The following CPT2 variants were observed in gnomAD, a reference collection of about 807,000 sequenced individuals.
The protein encoded by CPT2 is carnitine O-palmitoyltransferase 2, mitochondrial.
Under a neutral mutation model 48.6 loss-of-function variants are expected in CPT2, and 37 were observed. The observed-to-expected ratio is 0.76, with a 90% CI of 0.59 to 1.00. The LOEUF (loss-of-function observed/expected upper bound fraction) is 1.00, where lower values mean the gene tolerates loss of function less well. CPT2 is among the 50% of genes least tolerant of loss of function. The pLI is 0.00. For synonymous variants in CPT2, 319 were observed against 326.9 expected, an observed-to-expected ratio of 0.98 and a Z score of 0.26; for missense variants, 772 against 825.6, an observed-to-expected ratio of 0.94 and a Z score of 0.80.
In CPT2 at chr1:53,196,856, C is replaced by T; in HGVS notation, c.-88C>T. The T allele has an allele frequency of 1.3e-6, 2 of 1,493,770 alleles. No homozygotes were observed. The highest frequency in any genetic ancestry group is 2.5e-5 in the East Asian group (1 of 39,482). The allele number at this position is 1,493,770 out of a possible 1,614,324, so 92.5% of individuals were successfully genotyped here. A position where few individuals can be genotyped will look rare whatever the true frequency, so the allele number is the denominator to read the frequency against. ...TGCCTCAGGAGTCCTGACGCAGTGT[C>T]TTGGGCGCTAACGGCGGCGGCGGCC... is the stretch of plus-strand genomic sequence containing the variant. On this transcript the variant is annotated 5_prime_UTR_variant, in exon 1 of 5. Transcript: ENST00000371486.
chr1:53,209,903 TG>T, intron 3 of CPT2, 111 bp from the exon 4 acceptor site: 1 of 853,752 alleles, frequency 1.2e-6, no homozygotes, highest in Non-Finnish European at 1.9e-6. Context: ...TTCTTCTCTC[TG>T]GAGGTTGATG....
At chr1:53,207,105 T>C (rs187187529) in intron 3 of CPT2, among the ~76,000 whole-genome samples, 34 of 152,358 alleles carry the variant, frequency 2.2e-4, no homozygotes, top group African/African-American at 7.2e-4. Context: ...TCCTACTCCT[T>C]GCTTGTTCTC....
chr1:53,199,087 G>GAA (rs397767205), intron 1 of CPT2, among the ~76,000 whole-genome samples: 2 of 151,148 alleles, frequency 1.3e-5, no homozygotes, highest in African/African-American at 4.9e-5. Context: ...TTTTGAGACA[G>GAA]TCTCGCTCTG....
At position 53,210,778 on chromosome 1, in the gene CPT2, C is replaced by G. The variant is rs1645420237; in HGVS notation, c.1104C>G (p.Val368=). The change falls in exon 4 of 5, where the codon GTC becomes GTG. Residue 368 remains valine, a synonymous_variant. Transcript: ENST00000371486. The part of the protein sequence containing the change: ...LIIAKDGSTA[V]HFEHSWGDGV... Reference sequence around the variant, plus strand: ...TCGCCAAGGATGGCTCTACTGCCGTCCACTTTGAGCACTCTTGGGGTGATG... The same window carrying G: ...TCGCCAAGGATGGCTCTACTGCCGTGCACTTTGAGCACTCTTGGGGTGATG... 1.2e-6 allele frequency: 2 copies of G among 1,614,048 alleles called. No individual in the cohort carries two copies. The highest frequency in any genetic ancestry group is 2.7e-5 in the African/African-American group (2 of 74,914).
At chr1:53,199,030 T>TG (rs1225985521) in intron 1 of CPT2, among the ~76,000 whole-genome samples, 1 of 152,202 alleles carries the variant, frequency 6.6e-6, no homozygotes, top group Non-Finnish European at 1.5e-5. Context: ...AGCTATAATT[T>TG]GGGGCAATTC....
At chr1:53,203,614 A>G (rs932333200) in intron 3 of CPT2, 1 of 152,188 alleles carries the variant, frequency 6.6e-6, no homozygotes, top group Non-Finnish European at 1.5e-5. Context: ...AACTTCTTCC[A>G]GAACTTGCGA....
intron 4 of CPT2, among the ~76,000 whole-genome samples, chr1:53,211,746 C>T (rs1437516410): frequency 6.6e-6 from 1 of 151,180 alleles, no homozygotes. Flanking sequence ...TAATAGGCAC[C>T]CGCCACTACA....
chr1:53,200,797 C>G lies in CPT2; in HGVS notation c.231C>G (p.Phe77Leu). ...AQKPLLNDGQ[F>L]RKTEQFCKSF... is the part of the protein sequence containing the mutation. ...AGCCTCTCTTGAATGATGGCCAGTT[C>G]AGGTAAACACTGAGAACCTTGGGTG... The change falls in exon 2 of 5, where the codon TTC (phenylalanine) becomes TTG (leucine). Residue 77 changes from phenylalanine to leucine, a missense_variant and splice_region_variant. By Grantham distance (22) the Phe-to-Leu change is conservative (BLOSUM62 0). Transcript: ENST00000371486. The G allele has an allele frequency of 6.2e-7, 1 of 1,611,434 alleles. No homozygotes were observed. Among genetic ancestry groups the G allele is most frequent in the Non-Finnish European group, 8.5e-7 (1 of 1,177,546 alleles).
intron 2 of CPT2, chr1:53,201,159 C>T (rs1007325345): frequency 9.8e-5 from 31 of 316,786 alleles, no homozygotes; most frequent in African/African-American, 5.9e-4. Context: ...AAGTCTGCAT[C>T]GTGAGCATGT....
chr1:53,210,714 G>C lies in CPT2; in HGVS notation c.1040G>C (p.Gly347Ala), dbSNP rs775144404. ...HLSHNMLHGD[G>A]TNRWFDKSFN... ...TCCCACAATATGCTGCATGGGGATG[G>C]CACAAACCGCTGGTTTGATAAATCC... Residue 347 changes from glycine to alanine, a missense_variant, in exon 4 of 5, where the codon GGC becomes GCC. Transcript: ENST00000371486. 1 of 1,614,184 alleles carries C rather than the reference G, an allele frequency of 6.2e-7. No individual in the cohort carries two copies.
At chr1:53,208,622 C>A (rs980251035) in intron 3 of CPT2, 1 of 152,178 alleles carries the variant, frequency 6.6e-6, no homozygotes, top group African/African-American at 2.4e-5. Flanking sequence ...GACGTTCCCC[C>A]CTTATCGGGG....
rs777506825 is a variant in CPT2, at chr1:53,210,940, C to CTTT, written c.1268_1269insTTT (p.Ala422_Leu423insPhe). On this transcript the variant is annotated inframe_insertion, in exon 4 of 5. Transcript: ENST00000371486. ...AACTCAACTTCGAGCTGACTGATGC[C>CTTT]TTAAAGACTGGCATCACAGCTGCTA... 2.5e-6 allele frequency: 4 copies of CTTT among 1,614,212 alleles called. No homozygotes were observed. The highest frequency in any genetic ancestry group is 2.5e-6 in the Non-Finnish European group (3 of 1,180,040).
chr1:53,201,742 C>G (rs1318304024), intron 2 of CPT2: 1 of 158,012 alleles, frequency 6.3e-6, no homozygotes, highest in Non-Finnish European at 1.4e-5. Context: ...AATCACAGAA[C>G]TCTTCACTGG....
chr1:53,198,568 G>T (rs1307662588), intron 1 of CPT2, among the ~76,000 whole-genome samples: 1 of 152,234 alleles, frequency 6.6e-6, no homozygotes, highest in East Asian at 1.9e-4. Context: ...TGGGTGAAAG[G>T]TGAGGACTGA....
rs1457971036 is a variant in CPT2, at chr1:53,196,933, C to T, written c.-11C>T. On this transcript the variant is annotated 5_prime_UTR_variant, in exon 1 of 5. Transcript: ENST00000371486. The stretch of plus-strand genomic sequence containing the variant: ...CTTGCCGCGTTCTCGCCGCCGCAGG[C>T]TCCCGGGACGATGGTGCCCCGCCTG... 4.5e-6 allele frequency: 7 copies of T among 1,543,908 alleles called. No homozygotes were observed. Among genetic ancestry groups the T allele is most frequent in the Non-Finnish European group, 6.1e-6 (7 of 1,153,850 alleles).
rs1360477206 is a variant in CPT2 at position 53,200,788 on chromosome 1, T to C, written c.222T>C (p.Asp74=). 1.4e-5 allele frequency: 23 copies of C among 1,613,642 alleles called. No individual in the cohort carries two copies. The highest frequency in any genetic ancestry group is 1.7e-5 in the Non-Finnish European group (20 of 1,179,536). ...GTGCACAGAAGCCTCTCTTGAATGA[T>C]GGCCAGTTCAGGTAAACACTGAGAA... ...YLSAQKPLLN[D]GQFRKTEQFC... The change falls in exon 2 of 5, where the codon GAT becomes GAC. Residue 74 remains aspartate (D), a synonymous_variant. Transcript: ENST00000371486.
Position 53,206,362 on chromosome 1 carries a change from A to T in CPT2, c.341-3653A>T, listed in dbSNP as rs1445254713. On this transcript the variant is annotated intron_variant, in intron 3 of 4. Transcript: ENST00000371486. Reference sequence around the variant, plus strand: ...CCCCCACACAGAGTTCCCAATGGGGAGCCTAGTGGAACTGTGAGAAGAGGG... The same window carrying T: ...CCCCCACACAGAGTTCCCAATGGGGTGCCTAGTGGAACTGTGAGAAGAGGG... 2.6e-5 allele frequency among the ~76,000 whole-genome samples: 4 copies of T among 152,134 alleles called. No homozygotes were observed. In the East Asian group the frequency reaches 7.7e-4, roughly 29 times the overall value.
chr1:53,197,020 G>A lies in CPT2; in HGVS notation c.77G>A (p.Ser26Asn). 1 of 1,535,696 alleles carries A rather than the reference G, an allele frequency of 6.5e-7. No individual in the cohort carries two copies. The highest frequency in any genetic ancestry group is 8.7e-7 in the Non-Finnish European group (1 of 1,145,260). ...CCGGGAGCCCCCAGTCGGCCCCTCA[G>A]CGCCGGCTCCGGGCCCGGCCAGTAC... ...VGPGAPSRPL[S>N]AGSGPGQYLQ... The change falls in exon 1 of 5, where the codon AGC becomes AAC. Residue 26 changes from serine (S) to asparagine (N), a missense_variant. By Grantham distance (46) the Ser-to-Asn change is conservative. Coordinates refer to ENST00000371486, the MANE Select transcript of CPT2 (RefSeq NM_000098.3).
intron 3 of CPT2, among the ~76,000 whole-genome samples, chr1:53,205,281 G>C (rs967375010): frequency 6.6e-6 from 1 of 152,214 alleles, no homozygotes; most frequent in Admixed American, 6.5e-5. Context: ...CTTTAGCAGA[G>C]AGACTGGTGG....
Sources: allele counts gnomAD v4.1 joint callset (sites outside exome capture counted in the v4.1 genomes callset), GRCh38; gene constraint gnomAD v4.1.1; transcripts MANE v1.5; gene names NCBI Gene and HGNC (gene_info 2026-07-23, HGNC 2026-07-21).